The following ETF1 variants were observed in gnomAD, a reference collection of about 807,000 sequenced individuals.
ETF1 encodes eukaryotic peptide chain release factor subunit 1.
Under a neutral mutation model 55.1 loss-of-function variants are expected in ETF1, and 4 were observed. The ratio of observed to expected loss-of-function variants is 0.07; its 90% CI spans 0.04 to 0.17. The LOEUF (loss-of-function observed/expected upper bound fraction) is 0.17, where lower values mean the gene tolerates loss of function less well. Ranked by LOEUF, ETF1 falls within the 10% of genes least tolerant of loss-of-function variation. ETF1 has a pLI of 1.00. For synonymous variants in ETF1, 157 were observed against 182.3 expected, an observed-to-expected ratio of 0.86 and a Z score of 1.12; for missense variants, 142 against 523.6, an observed-to-expected ratio of 0.27 and a Z score of 7.11.
intron 2 of ETF1, among the ~76,000 whole-genome samples, chr5:138,530,104 T>G (rs887942925): frequency 6.6e-6 from 1 of 152,168 alleles, no homozygotes; most frequent in African/African-American, 2.4e-5. Context: ...ACACTTCAGT[T>G]TGCATACCTC....
At chr5:138,527,440 A>G (rs780480429) in intron 2 of ETF1, among the ~76,000 whole-genome samples, 1 of 152,276 alleles carries the variant, frequency 6.6e-6, no homozygotes, top group Non-Finnish European at 1.5e-5. Flanking sequence ...TTCAGTTATC[A>G]TCACAAACAC....
At chr5:138,519,113 G>C (rs1037112913) in intron 2 of ETF1, 1 of 984,706 alleles carries the variant, frequency 1.0e-6, no homozygotes. Context: ...AATACACTTG[G>C]AGAGATACTT....
intron 4 of ETF1, among the ~76,000 whole-genome samples, 173 bp downstream of exon 4, chr5:138,517,374 AAAAAATAAAAAAAT>A (rs564193055): frequency 1.1e-3 from 154 of 136,588 alleles, no homozygotes; most frequent in South Asian, 5.0e-3. Context: ...CCGTCTAAAA[AAAAAATAAAAAAAT>A]AAAAATAAAA....
intron 2 of ETF1, among the ~76,000 whole-genome samples, chr5:138,536,435 G>A (rs1042801112): frequency 6.6e-6 from 1 of 152,156 alleles, no homozygotes; most frequent in Admixed American, 6.6e-5. Flanking sequence ...CCGTATCAGA[G>A]GGAGCTTCAT....
chr5:138,541,062 C>T (rs1413292121), intron 2 of ETF1, among the ~76,000 whole-genome samples: 2 of 152,212 alleles, frequency 1.3e-5, no homozygotes, highest in African/African-American at 4.8e-5. Flanking sequence ...CTACTGAAAG[C>T]AGTAAGAACA....
intron 2 of ETF1, among the ~76,000 whole-genome samples, chr5:138,524,504 G>C (rs1218659773): frequency 6.7e-6 from 1 of 149,668 alleles, no homozygotes; most frequent in East Asian, 2.0e-4. Context: ...AGTGAGCCGT[G>C]ATCACACCAC....
intron 4 of ETF1, among the ~76,000 whole-genome samples, chr5:138,514,848 A>G (rs1406866171): frequency 2.6e-5 from 4 of 152,340 alleles, no homozygotes; most frequent in Admixed American, 6.5e-5. Context: ...ACATACATAG[A>G]TAAGAGTTCT....
intron 2 of ETF1, among the ~76,000 whole-genome samples, chr5:138,531,925 T>C (rs1018472942): frequency 3.9e-5 from 6 of 152,094 alleles, no homozygotes; most frequent in Non-Finnish European, 7.4e-5. Context: ...CGGGCGCCTA[T>C]AGTCCCAGCT....
intron 6 of ETF1, 23 bp from the exon 7 acceptor site, chr5:138,511,627 TTAGTACTTAC>T (rs1258871706): frequency 1.3e-6 from 2 of 1,587,114 alleles, no homozygotes; most frequent in Admixed American, 3.6e-5. Context: ...AAAAATATTA[TTAGTACTTAC>T]TGGTACTTAT....
chr5:138,509,131 G>A, intron 9 of ETF1: 1 of 985,096 alleles, frequency 1.0e-6, no homozygotes, highest in Non-Finnish European at 1.2e-6. Flanking sequence ...GTGTCTCTAA[G>A]CAGCACCCAT....
chr5:138,511,104 A>G lies in ETF1; in HGVS notation c.959T>C (p.Leu320Pro), dbSNP rs1363956778. 1 of 1,614,166 alleles carries G rather than the reference A, an allele frequency of 6.2e-7. No individual in the cohort carries two copies. The highest frequency in any genetic ancestry group is 1.7e-5 in the Admixed American group (1 of 60,028). The change falls in exon 8 of 11, where the codon CTA (leucine) becomes CCA (proline). Residue 320 changes from leucine to proline, a missense_variant. By Grantham distance (98) the Leu-to-Pro change is moderately conservative. Transcript: ENST00000360541. Reference protein sequence around the residue: ...KALEMGAVEILIVYENLDIMR... With the variant: ...KALEMGAVEIPIVYENLDIMR... The stretch of plus-strand genomic sequence containing the variant: ...TATATCCAGATTTTCATAGACTATT[A>G]GAATTTCTACAGCTCCCATTTCCAA...
intron 2 of ETF1, among the ~76,000 whole-genome samples, chr5:138,541,288 C>G (rs541494744): frequency 6.6e-6 from 1 of 152,278 alleles, no homozygotes; most frequent in South Asian, 2.1e-4. Context: ...CTCTATCATA[C>G]GGCACAAGTT....
rs1764574108 is a variant in ETF1, at chr5:138,506,724, T to C, written c.*1581A>G. ...AACCAGAAACTTTACATTTAAGACATACTCCCTTCATTCAAGTGAAACAGG... is the reference window on the plus strand; with the variant it reads ...AACCAGAAACTTTACATTTAAGACACACTCCCTTCATTCAAGTGAAACAGG... On this transcript the variant is annotated 3_prime_UTR_variant, in exon 11 of 11. Coordinates refer to ENST00000360541, the MANE Select transcript of ETF1 (RefSeq NM_004730.4). The C allele has an allele frequency of 6.6e-6, 1 of 152,650 alleles. No homozygotes were observed. Among genetic ancestry groups the C allele is most frequent in the Non-Finnish European group, 1.5e-5 (1 of 68,034 alleles). 9.5% of individuals were successfully genotyped at this position (152,650 alleles called of 1,614,324 possible).
chr5:138,534,630 C>T (rs1580717536), intron 2 of ETF1, among the ~76,000 whole-genome samples: 2 of 152,342 alleles, frequency 1.3e-5, no homozygotes, highest in Middle Eastern at 3.4e-3. Flanking sequence ...TCTCAGCACA[C>T]CTGCTCCTCC....
At chr5:138,512,657 T>C in intron 6 of ETF1, 107 bp downstream of exon 6, 1 of 1,050,990 alleles carries the variant, frequency 9.5e-7, no homozygotes, top group Non-Finnish European at 1.3e-6. Context: ...AGGCAAGTTT[T>C]TAACCCAAGG....
Position 138,510,574 on chromosome 5 carries a change from T to C in ETF1, c.1074A>G (p.Thr358=), listed in dbSNP as rs963498500. Residue 358 remains threonine (T), a synonymous_variant, in exon 9 of 11, where the codon ACA becomes ACG. Transcript: ENST00000360541. ...GAAAATAATCACATACCTCTTTGTC[T>C]GTGAAATGAGATTTATCCTTTTCTT... is the stretch of plus-strand genomic sequence containing the variant. ...PEQEKDKSHF[T]DKETGQEHEL... 1 of 1,609,008 alleles carries C rather than the reference T, an allele frequency of 6.2e-7. No homozygotes were observed. The highest frequency in any genetic ancestry group is 1.3e-5 in the African/African-American group (1 of 74,792).
chr5:138,519,829 G>A (rs1160730440), intron 2 of ETF1, among the ~76,000 whole-genome samples: 1 of 152,094 alleles, frequency 6.6e-6, no homozygotes, highest in Non-Finnish European at 1.5e-5. Context: ...ACCAAAATCT[G>A]ACCTATGGAA....
chr5:138,514,716 C>T (rs1764946235), intron 4 of ETF1, among the ~76,000 whole-genome samples: 6 of 151,882 alleles, frequency 4.0e-5, no homozygotes, highest in Admixed American at 3.3e-4. Context: ...AGGCATGAGC[C>T]AGCATGTCTT....
At position 138,517,707 on chromosome 5, in the gene ETF1, A is replaced by G; in HGVS notation, c.263-7T>C. ...ACCAGACCATTTGGAGGTACTGCAA[A>G]GAACACAAACAATTTTTCTACTTTA... is the stretch of plus-strand genomic sequence containing the variant. On this transcript the variant is annotated splice_polypyrimidine_tract_variant and splice_region_variant and intron_variant, in intron 3 of 10. Transcript: ENST00000360541. The G allele has an allele frequency of 1.4e-6, 2 of 1,454,854 alleles. No individual in the cohort carries two copies. The highest frequency in any genetic ancestry group is 2.6e-5 in the East Asian group (1 of 39,072). 90.1% of individuals were successfully genotyped at this position (1,454,854 alleles called of 1,614,324 possible).
Sources: gnomAD v4.1 joint callset for allele counts (sites outside exome capture counted in the v4.1 genomes callset) on GRCh38, gnomAD v4.1.1 for gene constraint, MANE v1.5 for transcripts, NCBI Gene and HGNC (gene_info 2026-07-23, HGNC 2026-07-21) for gene names.